Variants in BRD10 observed in about 807,000 individuals in gnomAD.
The protein encoded by BRD10 is bromodomain containing 10.
the BRD10 span, among the ~76,000 whole-genome samples, chr9:5,950,366 A>G: frequency 6.6e-6 from 1 of 152,214 alleles, no homozygotes; most frequent in African/African-American, 2.4e-5. Flanking sequence ...GTATCATTCA[A>G]TCCTCACAAC....
At chr9:5,905,749 C>T in the BRD10 span, among the ~76,000 whole-genome samples, 28 of 152,258 alleles carry the variant, frequency 1.8e-4, no homozygotes, top group Non-Finnish European at 2.6e-4. Context: ...GTATACCTTC[C>T]GTGTATTGAT....
chr9:5,918,439 G>C, the BRD10 span, among the ~76,000 whole-genome samples: 1 of 152,064 alleles, frequency 6.6e-6, no homozygotes, highest in African/African-American at 2.4e-5. Flanking sequence ...CATATTCTTG[G>C]GTGCGGTGGC....
the BRD10 span, among the ~76,000 whole-genome samples, chr9:5,981,122 G>T: frequency 2.0e-5 from 3 of 152,284 alleles, no homozygotes; most frequent in African/African-American, 7.2e-5. Flanking sequence ...TCACTGTAAG[G>T]TTTATCTGTA....
chr9:5,906,405 T>TTGTAC, the BRD10 span, among the ~76,000 whole-genome samples: 1 of 152,168 alleles, frequency 6.6e-6, no homozygotes, highest in Non-Finnish European at 1.5e-5. Context: ...TCTTGGATGT[T>TTGTAC]CTTCCTTTAT....
chr9:5,886,139 A>G, the BRD10 span, among the ~76,000 whole-genome samples: 8,292 of 152,260 alleles, frequency 0.054, 728 homozygotes, highest in African/African-American at 0.18. Context: ...AAAGCTCACA[A>G]TATTGTGGGG....
At chr9:5,888,392 T>C in the BRD10 span, among the ~76,000 whole-genome samples, 1 of 152,262 alleles carries the variant, frequency 6.6e-6, no homozygotes, top group Non-Finnish European at 1.5e-5. Context: ...ATGTTATACA[T>C]CATTTTAATG....
chr9:5,970,007 C>T, the BRD10 span, among the ~76,000 whole-genome samples: 1 of 152,148 alleles, frequency 6.6e-6, no homozygotes, highest in Non-Finnish European at 1.5e-5. Flanking sequence ...ATATCAACTT[C>T]ATTTACTAAA....
chr9:5,952,028 TTTA>T, the BRD10 span, among the ~76,000 whole-genome samples: 3 of 151,212 alleles, frequency 2.0e-5, no homozygotes, highest in Non-Finnish European at 4.4e-5. Flanking sequence ...TATTTATTTA[TTTA>T]TTTATTTAGA....
At chr9:5,997,549 C>T in the BRD10 span, among the ~76,000 whole-genome samples, 2 of 151,372 alleles carry the variant, frequency 1.3e-5, no homozygotes, top group African/African-American at 4.9e-5. Context: ...CAACAGCACA[C>T]CAGAGAAAGT....
At chr9:5,897,635 T>C in the BRD10 span, 3 of 1,613,952 alleles carry the variant, frequency 1.9e-6, no homozygotes, top group South Asian at 1.1e-5. Flanking sequence ...GAAGACGAAA[T>C]GGATACAGAG....
the BRD10 span, chr9:5,919,946 G>A: frequency 1.9e-6 from 3 of 1,613,994 alleles, no homozygotes; most frequent in African/African-American, 1.3e-5. Context: ...AACCAAAGAT[G>A]TCTTAGCCAA....
At chr9:5,914,658 C>T in the BRD10 span, among the ~76,000 whole-genome samples, 2 of 151,812 alleles carry the variant, frequency 1.3e-5, no homozygotes, top group African/African-American at 4.8e-5. Context: ...CTCCTGACCT[C>T]GTGATCTGCC....
the BRD10 span, among the ~76,000 whole-genome samples, chr9:5,974,006 C>T: frequency 2.7e-3 from 407 of 152,192 alleles, 1 homozygote; most frequent in African/African-American, 9.5e-3. Context: ...TGAGAATTTT[C>T]CAGAACTAAT....
At chr9:5,922,401 G>A in the BRD10 span, 4 of 1,613,942 alleles carry the variant, frequency 2.5e-6, no homozygotes, top group Non-Finnish European at 3.4e-6. Flanking sequence ...TTAACTGATG[G>A]TGTTAATAAG....
At chr9:5,925,567 G>C in the BRD10 span, among the ~76,000 whole-genome samples, 1 of 151,954 alleles carries the variant, frequency 6.6e-6, no homozygotes. Flanking sequence ...TTTAAAAAAA[G>C]TTTAAGCCAG....
At chr9:5,934,594 G>C in the BRD10 span, among the ~76,000 whole-genome samples, 1 of 151,956 alleles carries the variant, frequency 6.6e-6, no homozygotes, top group Non-Finnish European at 1.5e-5. Flanking sequence ...TTGAACTTCT[G>C]ACCTCAAGTG....
chr9:5,947,998 G>C, the BRD10 span, among the ~76,000 whole-genome samples: 1 of 152,158 alleles, frequency 6.6e-6, no homozygotes, highest in African/African-American at 2.4e-5. Context: ...TAACACTTAT[G>C]AGAGGAGGTT....
At chr9:5,913,804 T>A in the BRD10 span, 1 of 217,626 alleles carries the variant, frequency 4.6e-6, no homozygotes, top group African/African-American at 2.4e-5. Context: ...AAACAAGGAC[T>A]ATTAAAAAGA....
the BRD10 span, among the ~76,000 whole-genome samples, chr9:5,943,230 T>C: frequency 6.6e-6 from 1 of 152,144 alleles, no homozygotes; most frequent in East Asian, 1.9e-4. Context: ...GGAAATGAGG[T>C]GAATGGCTTT....
Sources: gnomAD v4.1 joint callset for allele counts (sites outside exome capture counted in the v4.1 genomes callset) on GRCh38, gnomAD v4.1.1 for gene constraint, MANE v1.5 for transcripts, NCBI Gene and HGNC (gene_info 2026-07-23, HGNC 2026-07-21) for gene names.